HOMER1: variants seen among roughly 807,000 people sequenced by gnomAD.
The protein encoded by HOMER1 is homer scaffold protein 1.
HOMER1 carries 3 observed loss-of-function variants against 48.9 expected under a neutral mutation model. That is an observed-to-expected ratio of 0.06 (90% CI 0.03 to 0.16). The LOEUF is 0.16. Among genes scored for constraint, HOMER1 ranks in the 10% least tolerant of loss-of-function variants. The pLI, the probability that HOMER1 is intolerant of heterozygous loss-of-function variation, is 1.00. For synonymous variants in HOMER1, 134 were observed against 146.4 expected (o/e 0.92, Z 0.61); for missense variants, 247 against 411.4 (o/e 0.60, Z 3.46).
intron 1 of HOMER1, among the ~76,000 whole-genome samples, chr5:79,508,292 C>A (rs1019672555): frequency 6.6e-6 from 1 of 152,000 alleles, no homozygotes; most frequent in African/African-American, 2.4e-5. Flanking sequence ...TAAAATAGAA[C>A]GGAACAGAAT....
At chr5:79,409,702 T>A (rs1318573726) in intron 5 of HOMER1, among the ~76,000 whole-genome samples, 2 of 152,086 alleles carry the variant, frequency 1.3e-5, no homozygotes, top group Non-Finnish European at 2.9e-5. Flanking sequence ...AATTTAAAAA[T>A]GAGCAAAGAA....
intron 1 of HOMER1, among the ~76,000 whole-genome samples, chr5:79,468,472 G>T (rs28704562): frequency 0.18 from 27,059 of 152,060 alleles, 2,878 homozygotes; most frequent in East Asian, 0.37. Flanking sequence ...ATAGCATTTT[G>T]GATAAACTGT....
intron 6 of HOMER1, among the ~76,000 whole-genome samples, chr5:79,400,571 G>C (rs1749508715): frequency 6.6e-6 from 1 of 150,942 alleles, no homozygotes; most frequent in East Asian, 1.9e-4. Context: ...TGCCCAGGCT[G>C]GTCTTGAACT....
At chr5:79,431,272 A>G (rs7733051) in intron 5 of HOMER1, among the ~76,000 whole-genome samples, 96,421 of 152,078 alleles carry the variant, frequency 0.63, 33,773 homozygotes, top group East Asian at 0.99. Context: ...GCAGTGAGCC[A>G]AGATTGCACC....
At chr5:79,477,256 G>A (rs1457675697) in intron 1 of HOMER1, among the ~76,000 whole-genome samples, 1 of 152,222 alleles carries the variant, frequency 6.6e-6, no homozygotes, top group East Asian at 1.9e-4. Context: ...TTAAGAATTA[G>A]TTATAATCCG....
chr5:79,475,098 T>G (rs1751724543), intron 1 of HOMER1, among the ~76,000 whole-genome samples: 1 of 152,158 alleles, frequency 6.6e-6, no homozygotes, highest in Admixed American at 6.5e-5. Flanking sequence ...TAATTAACAT[T>G]TTAAAGAGCT....
intron 1 of HOMER1, among the ~76,000 whole-genome samples, chr5:79,499,745 A>G (rs1367441336): frequency 6.6e-6 from 1 of 152,258 alleles, no homozygotes; most frequent in Non-Finnish European, 1.5e-5. Context: ...ATGCAGTATT[A>G]CATCATAGCA....
chr5:79,493,280 C>T (rs542461617), intron 1 of HOMER1, among the ~76,000 whole-genome samples: 3 of 152,260 alleles, frequency 2.0e-5, no homozygotes, highest in East Asian at 1.9e-4. Context: ...TAGATTTAGA[C>T]GGCTTCAAGA....
At chr5:79,430,078 TG>T (rs1325780409) in intron 5 of HOMER1, among the ~76,000 whole-genome samples, 13 of 146,312 alleles carry the variant, frequency 8.9e-5, no homozygotes, top group Non-Finnish European at 1.8e-4. Context: ...AAAAAAATAG[TG>T]AAAACACAAC....
chr5:79,438,962 C>T, intron 5 of HOMER1, 48 bp downstream of exon 5: 1 of 1,543,408 alleles, frequency 6.5e-7, no homozygotes, highest in Non-Finnish European at 8.9e-7. Context: ...CCAAACATTT[C>T]CATATTTACA....
intron 1 of HOMER1, among the ~76,000 whole-genome samples, chr5:79,458,630 T>C (rs1751235894): frequency 6.6e-6 from 1 of 152,170 alleles, no homozygotes; most frequent in African/African-American, 2.4e-5. Flanking sequence ...AACCTGGCAC[T>C]TTCCTAGTTT....
chr5:79,388,610 T>C (rs1475291140), intron 8 of HOMER1, among the ~76,000 whole-genome samples: 1 of 152,176 alleles, frequency 6.6e-6, no homozygotes, highest in South Asian at 2.1e-4. Context: ...TTGAAAAACT[T>C]AGAATAGAAA....
At position 79,513,778 on chromosome 5, in the gene HOMER1, C is replaced by T. The variant is rs1753014793; in HGVS notation, c.-1004G>A. ...CAGCTCCAGGGCGGGCGAAAGGGGC[C>T]GAAGGGTCGACGGGCGCCTGCCCGA... On this transcript the variant is annotated 5_prime_UTR_variant, in exon 1 of 9. Transcript: ENST00000334082. The T allele has an allele frequency of 6.6e-6, 1 of 152,448 alleles. No individual in the cohort carries two copies. The highest frequency in any genetic ancestry group is 2.4e-5 in the African/African-American group (1 of 41,466). 9.4% of individuals were successfully genotyped at this position (152,448 alleles called of 1,614,324 possible).
chr5:79,455,831 CTAAG>C (rs1751160751), intron 2 of HOMER1, among the ~76,000 whole-genome samples: 1 of 152,150 alleles, frequency 6.6e-6, no homozygotes, highest in African/African-American at 2.4e-5. Flanking sequence ...ATTTCTTTCT[CTAAG>C]TGAGTTCCAT....
intron 1 of HOMER1, among the ~76,000 whole-genome samples, chr5:79,502,996 T>C (rs905932715): frequency 1.3e-5 from 2 of 152,126 alleles, no homozygotes; most frequent in East Asian, 2.0e-4. Context: ...TTCACCGTGT[T>C]AGCCAGGACG....
Position 79,372,637 on chromosome 5 carries a change from A to G in HOMER1, c.*3372T>C, listed in dbSNP as rs925859552. 13 of 152,182 alleles carry G rather than the reference A, an allele frequency of 8.5e-5. No individual in the cohort carries two copies. The highest frequency in any genetic ancestry group is 2.7e-4 in the African/African-American group (11 of 41,452). The allele number at this position is 152,182 out of a possible 1,614,324, so 9.4% of individuals were successfully genotyped here. On this transcript the variant is annotated 3_prime_UTR_variant, in exon 9 of 9. Coordinates refer to ENST00000334082, the MANE Select transcript of HOMER1 (RefSeq NM_004272.5). Reference sequence around the variant, plus strand: ...TGTCAAAATCATTTGATATCAAATAAATGCAATGGTTAAAACAACAATAAG... The same window carrying G: ...TGTCAAAATCATTTGATATCAAATAGATGCAATGGTTAAAACAACAATAAG...
At chr5:79,456,754 A>G in intron 2 of HOMER1, 108 bp downstream of exon 2, 1 of 1,010,950 alleles carries the variant, frequency 9.9e-7, no homozygotes, top group Non-Finnish European at 1.4e-6. Context: ...TTAAGAACTC[A>G]AAAGGAAACA....
chr5:79,428,853 G>A (rs778978375), intron 5 of HOMER1, among the ~76,000 whole-genome samples: 58 of 152,246 alleles, frequency 3.8e-4, no homozygotes, highest in Admixed American at 6.5e-4. Flanking sequence ...CATTTTGGCC[G>A]TGAGCTCCAA....
At chr5:79,384,336 C>T (rs1181347356) in intron 8 of HOMER1, among the ~76,000 whole-genome samples, 1 of 152,064 alleles carries the variant, frequency 6.6e-6, no homozygotes, top group Non-Finnish European at 1.5e-5. Flanking sequence ...ACGACTCACA[C>T]TACAGAAATA....
Sources: allele counts gnomAD v4.1 joint callset (sites outside exome capture counted in the v4.1 genomes callset), GRCh38; gene constraint gnomAD v4.1.1; transcripts MANE v1.5; gene names NCBI Gene and HGNC (gene_info 2026-07-23, HGNC 2026-07-21).